PSMB7: variants seen among roughly 807,000 people sequenced by gnomAD.
The protein encoded by PSMB7 is proteasome 20S subunit beta 7.
In PSMB7, 5 loss-of-function variants were observed where a neutral mutation model predicts 28.1. The observed-to-expected ratio is 0.18, with a 90% CI of 0.09 to 0.37. The LOEUF (loss-of-function observed/expected upper bound fraction) is 0.37. Among genes scored for constraint, PSMB7 ranks in the 10% least tolerant of loss-of-function variants. The pLI is 1.00. For synonymous variants in PSMB7, 122 were observed against 123.7 expected (o/e 0.99, Z 0.09); for missense variants, 275 against 346.2 (o/e 0.79, Z 1.63).
At chr9:124,370,782 A>T (rs1242667971) in intron 6 of PSMB7, among the ~76,000 whole-genome samples, 2 of 152,246 alleles carry the variant, frequency 1.3e-5, no homozygotes, top group African/African-American at 4.8e-5. Context: ...AATGCCCTGC[A>T]TTAGAAGGTT....
chr9:124,359,092 T>C (rs904035985), intron 6 of PSMB7, among the ~76,000 whole-genome samples: 10 of 152,360 alleles, frequency 6.6e-5, no homozygotes, highest in Admixed American at 4.6e-4. Flanking sequence ...CTTTAAAATA[T>C]GCAAATTTTA....
At position 124,356,091 on chromosome 9, in the gene PSMB7, G is replaced by A. The variant is rs1830401890; in HGVS notation, c.722+673C>T. Among the ~76,000 whole-genome samples the A allele has an allele frequency of 6.6e-6, 1 of 152,116 alleles. No individual in the cohort carries two copies. The highest frequency in any genetic ancestry group is 1.5e-5 in the Non-Finnish European group (1 of 68,036). ...TGACCTGCCCGGGCTCCCAGAAGAG[G>A]TCAGGAGCCACAGGATGGTCAAGCA... On this transcript the variant is annotated intron_variant, in intron 7 of 7. Coordinates refer to ENST00000259457, the MANE Select transcript of PSMB7 (RefSeq NM_002799.4). This position sits in a 1 kb window ranked among gnomAD's most constrained non-coding sequence, Gnocchi z 4.4.
At chr9:124,410,601 G>A (rs6478663) in intron 4 of PSMB7, among the ~76,000 whole-genome samples, 152,376 of 152,384 alleles carry the variant, frequency 1, 76,184 homozygotes, top group Non-Finnish European at 1. Flanking sequence ...ACTGTACTGG[G>A]AGAATTTGGT....
intron 5 of PSMB7, among the ~76,000 whole-genome samples, chr9:124,398,255 AAAG>A (rs1177781638): frequency 6.6e-6 from 1 of 152,146 alleles, no homozygotes; most frequent in Non-Finnish European, 1.5e-5. Context: ...AGGAAAGGGT[AAAG>A]AAGGCAGGGA....
At chr9:124,395,148 A>T (rs1397400887) in intron 5 of PSMB7, among the ~76,000 whole-genome samples, 1 of 152,198 alleles carries the variant, frequency 6.6e-6, no homozygotes, top group Admixed American at 6.5e-5. Context: ...TACAGAAGAA[A>T]TCAATGTTCA....
chr9:124,354,333 A>T (rs1830375442), intron 7 of PSMB7, among the ~76,000 whole-genome samples: 1 of 152,170 alleles, frequency 6.6e-6, no homozygotes. Context: ...TGAGCACCAG[A>T]CTGTCTAGAA....
At chr9:124,402,607 G>A (rs1004267500) in intron 5 of PSMB7, among the ~76,000 whole-genome samples, 1 of 152,046 alleles carries the variant, frequency 6.6e-6, no homozygotes, top group African/African-American at 2.4e-5. Flanking sequence ...CAGAACACAT[G>A]TGTCAAAATG....
At chr9:124,413,486 A>G (rs890455117) in intron 3 of PSMB7, among the ~76,000 whole-genome samples, 4 of 152,214 alleles carry the variant, frequency 2.6e-5, no homozygotes, top group African/African-American at 9.6e-5. Context: ...ATGCCATCAG[A>G]TCTATGTTTT....
At chr9:124,392,644 T>A (rs1830799033) in intron 5 of PSMB7, among the ~76,000 whole-genome samples, 1 of 152,210 alleles carries the variant, frequency 6.6e-6, no homozygotes, top group Non-Finnish European at 1.5e-5. Context: ...CTCCTGGTCC[T>A]CCAGGCAGCT....
intron 5 of PSMB7, among the ~76,000 whole-genome samples, chr9:124,387,249 C>CA (rs898660472): frequency 7.1e-4 from 108 of 151,720 alleles, no homozygotes; most frequent in Non-Finnish European, 3.5e-4. Flanking sequence ...CTGTCTCAAA[C>CA]AAAAAAACAA....
intron 5 of PSMB7, among the ~76,000 whole-genome samples, chr9:124,387,042 T>A (rs749344989): frequency 1.1e-4 from 16 of 152,212 alleles, no homozygotes; most frequent in Middle Eastern, 3.4e-3. Flanking sequence ...GTGAGGAGAT[T>A]GAGACCATCC....
chr9:124,395,352 A>T (rs1318933306), intron 5 of PSMB7, among the ~76,000 whole-genome samples: 1 of 151,902 alleles, frequency 6.6e-6, no homozygotes, highest in Admixed American at 6.6e-5. Context: ...AAAAAAAAAA[A>T]TCAGTAGTGG....
At chr9:124,413,036 C>G (rs1831045569) in intron 3 of PSMB7, among the ~76,000 whole-genome samples, 1 of 150,464 alleles carries the variant, frequency 6.6e-6, no homozygotes, top group African/African-American at 2.5e-5. Context: ...AGGTTTCAGG[C>G]TGGGCATGAT....
intron 5 of PSMB7, among the ~76,000 whole-genome samples, chr9:124,402,612 A>G (rs1223183061): frequency 1.3e-5 from 2 of 152,226 alleles, no homozygotes; most frequent in Admixed American, 1.3e-4. Context: ...CACATGTGTC[A>G]AAATGCTAAC....
Position 124,405,384 on chromosome 9 carries a change from A to G in PSMB7, c.444T>C (p.Val148=). ...AGATGCTGTAGAGGTGAGGTCCAGT[A>G]ACATCTACTCCCCCTAAAACTAGGG... ...GAALVLGGVD[V]TGPHLYSIYP... Residue 148 remains valine, a synonymous_variant, in exon 5 of 8, where the codon GTT becomes GTC. Transcript: ENST00000259457. The G allele has an allele frequency of 3.7e-6, 6 of 1,613,968 alleles. No homozygotes were observed. Among genetic ancestry groups the G allele is most frequent in the Non-Finnish European group, 5.1e-6 (6 of 1,179,888 alleles).
rs372768116 is a variant in PSMB7, at chr9:124,410,999, G to A, written c.395+1353C>T. Among the ~76,000 whole-genome samples, 5 of 150,662 alleles carry A rather than the reference G, an allele frequency of 3.3e-5. No homozygotes were observed. In the East Asian group the frequency reaches 5.8e-4, roughly 18 times the overall value. On this transcript the variant is annotated intron_variant, in intron 4 of 7. Transcript: ENST00000259457. ...TTTTTTTTTTCTTTTTTTTTGAGAC[G>A]GAGTCTTCTTCTGTCACCCAGGCTA...
At chr9:124,374,968 C>T (rs1429098151) in intron 6 of PSMB7, among the ~76,000 whole-genome samples, 1 of 152,052 alleles carries the variant, frequency 6.6e-6, no homozygotes, top group Non-Finnish European at 1.5e-5. Flanking sequence ...TGGCGAAACA[C>T]CATCTCTACT....
chr9:124,364,993 G>A (rs1489396566), intron 6 of PSMB7, among the ~76,000 whole-genome samples: 1 of 152,166 alleles, frequency 6.6e-6, no homozygotes, highest in Non-Finnish European at 1.5e-5. Context: ...GCCTGACAAG[G>A]CCCAGGCAGA....
intron 7 of PSMB7, among the ~76,000 whole-genome samples, chr9:124,354,623 G>A (rs1588564154): frequency 6.6e-6 from 1 of 152,190 alleles, no homozygotes; most frequent in Non-Finnish European, 1.5e-5. Context: ...TCAGGAGCAC[G>A]GTCAGCCCAG....
Sources: gnomAD v4.1 joint callset for allele counts (sites outside exome capture counted in the v4.1 genomes callset) on GRCh38, gnomAD v4.1.1 for gene constraint, Gnocchi (gnomAD v3.1) non-coding constraint, MANE v1.5 for transcripts, NCBI Gene and HGNC (gene_info 2026-07-23, HGNC 2026-07-21) for gene names.